Variants in MBNL2 observed in about 807,000 individuals in gnomAD.
The protein encoded by MBNL2 is muscleblind-like protein 2.
MBNL2 carries 17 observed loss-of-function variants against 41.9 expected under a neutral mutation model. The ratio of observed to expected loss-of-function variants is 0.41; its 90% CI spans 0.28 to 0.61. MBNL2 has a LOEUF of 0.61. MBNL2 is among the 20% of genes least tolerant of loss of function. MBNL2 has a pLI of 0.35. For synonymous variants in MBNL2, 195 were observed against 182.9 expected (o/e 1.07, Z -0.53); for missense variants, 336 against 505.6 (o/e 0.66, Z 3.22).
intron 8 of MBNL2, among the ~76,000 whole-genome samples, chr13:97,380,324 T>G (rs1362171468): frequency 6.6e-6 from 1 of 152,060 alleles, no homozygotes; most frequent in Non-Finnish European, 1.5e-5. Context: ...TGAAACCCCA[T>G]CTCTACTAAA....
chr13:97,325,659 G>A (rs973065017), intron 2 of MBNL2, among the ~76,000 whole-genome samples: 1 of 152,162 alleles, frequency 6.6e-6, no homozygotes, highest in Admixed American at 6.5e-5. Flanking sequence ...GAGCCCAGGA[G>A]GTCGAGACTG....
intron 2 of MBNL2, among the ~76,000 whole-genome samples, chr13:97,285,437 C>A (rs1213314815): frequency 6.6e-6 from 1 of 152,206 alleles, no homozygotes; most frequent in Non-Finnish European, 1.5e-5. Flanking sequence ...GAGCTCATGA[C>A]CCCTTTAACG....
chr13:97,193,928 G>A, the MBNL2 span, among the ~76,000 whole-genome samples: 1 of 152,140 alleles, frequency 6.6e-6, no homozygotes, highest in Admixed American at 6.5e-5. Context: ...CTATGCTCCA[G>A]CCTCCCTGGT....
intron 1 of MBNL2, among the ~76,000 whole-genome samples, chr13:97,260,484 A>T (rs1280099214): frequency 6.6e-6 from 1 of 152,200 alleles, no homozygotes; most frequent in Non-Finnish European, 1.5e-5. Context: ...TAGAGGCATC[A>T]GTAGACTGGT....
chr13:97,290,552 T>TGTA (rs1343351519), intron 2 of MBNL2, among the ~76,000 whole-genome samples: 1 of 151,930 alleles, frequency 6.6e-6, no homozygotes, highest in Non-Finnish European at 1.5e-5. Context: ...GGCGGGCGCC[T>TGTA]GTAGTCCCAG....
At chr13:97,363,204 G>T (rs1279613765) in intron 7 of MBNL2, 1 of 152,148 alleles carries the variant, frequency 6.6e-6, no homozygotes, top group Non-Finnish European at 1.5e-5. Context: ...GCAGTTAGAG[G>T]AAAGGACCTG....
upstream of MBNL2, among the ~76,000 whole-genome samples, chr13:97,217,264 A>G (rs2040459895): frequency 6.6e-6 from 1 of 152,090 alleles, no homozygotes. Flanking sequence ...AAGTTTATCC[A>G]TTTAACCATT....
At chr13:97,227,657 T>C (rs2041841370) in intron 1 of MBNL2, among the ~76,000 whole-genome samples, 1 of 152,286 alleles carries the variant, frequency 6.6e-6, no homozygotes, top group South Asian at 2.1e-4. Flanking sequence ...CTTGGAGTTA[T>C]TGATTTTTTT....
intron 8 of MBNL2, among the ~76,000 whole-genome samples, chr13:97,373,413 T>G (rs2064590864): frequency 1.4e-5 from 2 of 147,558 alleles, no homozygotes; most frequent in African/African-American, 2.5e-5. Context: ...AGAGAGAGAG[T>G]AGAGAGAGAG....
chr13:97,307,929 AAC>A (rs1300669639), intron 2 of MBNL2, among the ~76,000 whole-genome samples: 4 of 152,230 alleles, frequency 2.6e-5, no homozygotes, highest in Non-Finnish European at 1.5e-5. Flanking sequence ...TCCCTTAAAT[AAC>A]AGTCAATGAT....
At chr13:97,335,816 A>G (rs1346504073) in intron 3 of MBNL2, among the ~76,000 whole-genome samples, 2 of 152,212 alleles carry the variant, frequency 1.3e-5, no homozygotes, top group Non-Finnish European at 2.9e-5. Context: ...TTAATCCCCA[A>G]AATAGGCATT....
At chr13:97,374,406 C>G (rs1390933359) in intron 8 of MBNL2, among the ~76,000 whole-genome samples, 1 of 151,710 alleles carries the variant, frequency 6.6e-6, no homozygotes, top group Non-Finnish European at 1.5e-5. Context: ...CTCAGCCTCC[C>G]AAAGTGCTGG....
the MBNL2 span, among the ~76,000 whole-genome samples, chr13:97,173,626 C>T: frequency 6.6e-6 from 1 of 151,300 alleles, no homozygotes; most frequent in Non-Finnish European, 1.5e-5. Flanking sequence ...CACTCCTCCT[C>T]TTTAAGTGGA....
At chr13:97,152,089 A>G in the MBNL2 span, among the ~76,000 whole-genome samples, 1,864 of 152,308 alleles carry the variant, frequency 0.012, 39 homozygotes, top group African/African-American at 0.042. Context: ...ATGCAGTGAG[A>G]ACACTTCAAA....
At chr13:97,277,321 C>T (rs945713726) in intron 2 of MBNL2, among the ~76,000 whole-genome samples, 11 of 152,102 alleles carry the variant, frequency 7.2e-5, no homozygotes, top group African/African-American at 2.7e-4. Context: ...ATATTGTTTT[C>T]AGGAGCAATA....
chr13:97,334,962 T>G lies in MBNL2; in HGVS notation c.339+522T>G, dbSNP rs1470492265. Among the ~76,000 whole-genome samples, 1 of 152,080 alleles carries G rather than the reference T, an allele frequency of 6.6e-6. No homozygotes were observed. Among genetic ancestry groups the G allele is most frequent in the African/African-American group, 2.4e-5 (1 of 41,398 alleles). Reference sequence around the variant, plus strand: ...CTTTCTGCAGTGTGTTCCAGGAAGATCCTAGTAACAGCCCCCAAAGAAGGA... The same window carrying G: ...CTTTCTGCAGTGTGTTCCAGGAAGAGCCTAGTAACAGCCCCCAAAGAAGGA... On this transcript the variant is annotated intron_variant, in intron 3 of 8. Transcript: ENST00000679496. The surrounding 1 kb of genome is among the most constrained non-coding windows in gnomAD (Gnocchi z 5.3).
At chr13:97,369,303 T>C (rs1047071162) in intron 8 of MBNL2, among the ~76,000 whole-genome samples, 1 of 152,176 alleles carries the variant, frequency 6.6e-6, no homozygotes, top group Non-Finnish European at 1.5e-5. Flanking sequence ...ACATAATGAA[T>C]CTCAGTTTCC....
At chr13:97,374,063 A>ATTTCTTTTTTTTT (rs2064689888) in intron 8 of MBNL2, among the ~76,000 whole-genome samples, 1 of 63,128 alleles carries the variant, frequency 1.6e-5, no homozygotes, top group Admixed American at 2.3e-4. Context: ...CCTCCTTTGC[A>ATTTCTTTTTTTTT]TTTTTTTTTT....
In MBNL2 at chr13:97,268,458, A is replaced by C. The variant is rs1043747319; in HGVS notation, c.-604-7174A>C. Among the ~76,000 whole-genome samples, 8 of 152,108 alleles carry C rather than the reference A, an allele frequency of 5.3e-5. No individual in the cohort carries two copies. The highest frequency in any genetic ancestry group is 5.2e-4 in the Admixed American group (8 of 15,270). On this transcript the variant is annotated intron_variant, in intron 1 of 8. Transcript: ENST00000679496. The surrounding 1 kb of genome is among the most constrained non-coding windows in gnomAD (Gnocchi z 4.6). ...ATGCTGCTGCTGCTGGCCCAGGCAC[A>C]ACACTTTAAAAACCGCTGGACTAAA... is the stretch of plus-strand genomic sequence containing the variant.
Sources: allele counts gnomAD v4.1 joint callset (sites outside exome capture counted in the v4.1 genomes callset), GRCh38; gene constraint gnomAD v4.1.1; non-coding constraint Gnocchi (gnomAD v3.1); transcripts MANE v1.5; gene names NCBI Gene and HGNC (gene_info 2026-07-23, HGNC 2026-07-21).